Variants in EPHX4 observed in about 807,000 individuals in gnomAD.
EPHX4 encodes the protein abhydrolase domain containing 7.
In EPHX4, 31 loss-of-function variants were observed where a neutral mutation model predicts 44.9. That is an observed-to-expected ratio of 0.69 (90% CI 0.52 to 0.93). EPHX4 has a LOEUF of 0.93. Among genes scored for constraint, EPHX4 ranks in the 40% least tolerant of loss-of-function variants. EPHX4 has a pLI of 0.00. For missense variants in EPHX4, 373 were observed against 438.1 expected (o/e 0.85, Z 1.33); for synonymous variants, 151 against 159.7 (o/e 0.95, Z 0.41).
chr1:92,043,140 A>C, intron 3 of EPHX4, 160 bp downstream of exon 3: 1 of 566,306 alleles, frequency 1.8e-6, no homozygotes, highest in Non-Finnish European at 3.0e-6. Context: ...ATATCTGTAC[A>C]GGAAATTTAA....
Position 92,052,520 on chromosome 1 carries a change from A to G in EPHX4, c.719A>G (p.His240Arg). 6.3e-7 allele frequency: 1 copy of G among 1,598,910 alleles called. No homozygotes were observed. Among genetic ancestry groups the G allele is most frequent in the Non-Finnish European group, 8.5e-7 (1 of 1,175,402 alleles). The part of the protein sequence containing the change: ...FSINDFKVLK[H>R]LFTSHSTGIG... The stretch of plus-strand genomic sequence containing the variant: ...TCTCACTTAAATTAGGTTTTGAAAC[A>G]TCTGTTTACCAGTCACAGCACTGGC... The change falls in exon 6 of 7, where the codon CAT (histidine) becomes CGT (arginine). Residue 240 changes from histidine (H) to arginine (R), a missense_variant. Physicochemically the swap from His to Arg is conservative, Grantham distance 29. Transcript: ENST00000370383.
intron 3 of EPHX4, among the ~76,000 whole-genome samples, chr1:92,044,070 C>A (rs1286366964): frequency 6.6e-6 from 1 of 152,140 alleles, no homozygotes; most frequent in Non-Finnish European, 1.5e-5. Flanking sequence ...TCTATTAATA[C>A]TATATCCCTT....
At chr1:92,057,897 C>A (rs1308273851) in intron 6 of EPHX4, among the ~76,000 whole-genome samples, 1 of 151,994 alleles carries the variant, frequency 6.6e-6, no homozygotes. Context: ...CACCGGCACC[C>A]GGCCTACAGG....
intron 2 of EPHX4, among the ~76,000 whole-genome samples, chr1:92,038,934 A>G (rs568430896): frequency 6.6e-6 from 1 of 152,262 alleles, no homozygotes; most frequent in South Asian, 2.1e-4. Context: ...TGGTACTTCA[A>G]TTAACCTTGC....
At chr1:92,046,275 G>A (rs886188799) in intron 4 of EPHX4, among the ~76,000 whole-genome samples, 1 of 152,034 alleles carries the variant, frequency 6.6e-6, no homozygotes, top group African/African-American at 2.4e-5. Context: ...GAGTGTCATC[G>A]TTTTACATTT....
rs1385879119 is a variant in EPHX4, at chr1:92,030,205, C to T, written c.126C>T (p.Ser42=). The change falls in exon 1 of 7, where the codon AGC becomes AGT. Residue 42 remains serine (S), a synonymous_variant. Transcript: ENST00000370383. The stretch of plus-strand genomic sequence containing the variant: ...TCCACCTGCTCAAACTTTTGTGGAG[C>T]CTCGGCAAGGGGCCGGCGCAGACCT... ...ASIHLLKLLW[S]LGKGPAQTFR... The T allele has an allele frequency of 6.2e-7, 1 of 1,608,592 alleles. No homozygotes were observed. The highest frequency in any genetic ancestry group is 1.1e-5 in the South Asian group (1 of 90,066).
At chr1:92,042,195 A>AT (rs1443910571) in intron 2 of EPHX4, among the ~76,000 whole-genome samples, 2 of 151,678 alleles carry the variant, frequency 1.3e-5, no homozygotes, top group Non-Finnish European at 2.9e-5. Flanking sequence ...CCCTGTTTCA[A>AT]TTTTTTAAAA....
At chr1:92,058,860 C>T (rs1182210725) in intron 6 of EPHX4, among the ~76,000 whole-genome samples, 1 of 152,150 alleles carries the variant, frequency 6.6e-6, no homozygotes, top group East Asian at 1.9e-4. Flanking sequence ...GTACTCTCCA[C>T]AGTTGTATTT....
intron 6 of EPHX4, among the ~76,000 whole-genome samples, chr1:92,053,660 CAG>C (rs1647303267): frequency 6.6e-6 from 1 of 151,926 alleles, no homozygotes; most frequent in South Asian, 2.1e-4. Flanking sequence ...GTAAAATTGA[CAG>C]GGGTTGGCAA....
At chr1:92,052,415 C>A in intron 5 of EPHX4, 95 bp from the exon 6 acceptor site, 1 of 1,213,614 alleles carries the variant, frequency 8.2e-7, no homozygotes, top group South Asian at 1.5e-5. Context: ...GAGTTGTCAC[C>A]ACACAATGAC....
chr1:92,061,042 G>A (rs947273833), intron 6 of EPHX4, among the ~76,000 whole-genome samples: 9 of 151,872 alleles, frequency 5.9e-5, no homozygotes, highest in East Asian at 1.9e-4. Flanking sequence ...CATCACACCC[G>A]GCTAATTTTT....
At chr1:92,049,550 T>C (rs1463973988) in intron 4 of EPHX4, among the ~76,000 whole-genome samples, 1 of 152,216 alleles carries the variant, frequency 6.6e-6, no homozygotes, top group Non-Finnish European at 1.5e-5. Flanking sequence ...CAAATATTCA[T>C]TGAATGAATG....
At position 92,063,220 on chromosome 1, in the gene EPHX4, C is replaced by T. The variant is rs1017713125; in HGVS notation, c.1023C>T (p.Asp341=). Residue 341 remains aspartate (D), a synonymous_variant, in exon 7 of 7, where the codon GAC becomes GAT. Transcript: ENST00000370383. ...AAGCCAGTCATTGGCTTCAGCAAGACCAACCTGACATAGTGAACAAATTGA... is the reference window on the plus strand; with the variant it reads ...AAGCCAGTCATTGGCTTCAGCAAGATCAACCTGACATAGTGAACAAATTGA... The part of the protein sequence containing the change: ...LSEASHWLQQ[D]QPDIVNKLIW... The T allele has an allele frequency of 1.2e-6, 2 of 1,613,714 alleles. No individual in the cohort carries two copies. The highest frequency in any genetic ancestry group is 1.7e-6 in the Non-Finnish European group (2 of 1,179,914).
chr1:92,036,423 T>G (rs1367911376), intron 2 of EPHX4, among the ~76,000 whole-genome samples: 2 of 152,178 alleles, frequency 1.3e-5, no homozygotes, highest in Non-Finnish European at 2.9e-5. Flanking sequence ...CATCAGGGGA[T>G]GAAACAGCCT....
At chr1:92,053,076 T>C (rs1282048899) in intron 6 of EPHX4, among the ~76,000 whole-genome samples, 2 of 152,146 alleles carry the variant, frequency 1.3e-5, no homozygotes, top group African/African-American at 2.4e-5. Flanking sequence ...TGTAGCCTAA[T>C]AGGGAAAACA....
intron 2 of EPHX4, among the ~76,000 whole-genome samples, chr1:92,035,855 C>T (rs1422136937): frequency 6.6e-6 from 1 of 152,236 alleles, no homozygotes; most frequent in Middle Eastern, 3.4e-3. Flanking sequence ...CTCATTTAAG[C>T]CCCATAGCTA....
chr1:92,042,785 C>G, intron 2 of EPHX4, 38 bp from the exon 3 acceptor site: 1 of 1,535,006 alleles, frequency 6.5e-7, no homozygotes, highest in Non-Finnish European at 8.9e-7. Context: ...TTTGTACTAG[C>G]TAATATGATA....
intron 6 of EPHX4, among the ~76,000 whole-genome samples, chr1:92,057,235 T>A (rs2101875581): frequency 6.6e-6 from 1 of 151,908 alleles, no homozygotes; most frequent in Middle Eastern, 3.4e-3. Flanking sequence ...TAGAGATAAG[T>A]GGCAAAACCA....
intron 2 of EPHX4, among the ~76,000 whole-genome samples, chr1:92,042,591 G>C (rs1291124690): frequency 6.6e-6 from 1 of 151,764 alleles, no homozygotes; most frequent in African/African-American, 2.4e-5. Flanking sequence ...TGGGTGTGAT[G>C]GTGTGCACCT....
Sources: gnomAD v4.1 joint callset for allele counts (sites outside exome capture counted in the v4.1 genomes callset) on GRCh38, gnomAD v4.1.1 for gene constraint, MANE v1.5 for transcripts, NCBI Gene and HGNC (gene_info 2026-07-23, HGNC 2026-07-21) for gene names.